PIEZO2: variants seen among roughly 807,000 people sequenced by gnomAD.
PIEZO2 encodes the protein piezo type mechanosensitive ion channel component 2.
In PIEZO2, 172 loss-of-function variants were observed where a neutral mutation model predicts 337.3. That is an observed-to-expected ratio of 0.51 (90% CI 0.45 to 0.58). PIEZO2 has a LOEUF of 0.58. Ranked by LOEUF, PIEZO2 falls within the 20% of genes least tolerant of loss-of-function variation. PIEZO2 has a pLI of 0.00. For synonymous variants in PIEZO2, 1,251 were observed against 1,228.5 expected, an observed-to-expected ratio of 1.02 and a Z score of -0.38; for missense variants, 3,028 against 3,391.3, an observed-to-expected ratio of 0.89 and a Z score of 2.66.
At chr18:10,977,532 C>A (rs1057487128) in intron 3 of PIEZO2, among the ~76,000 whole-genome samples, 1 of 152,108 alleles carries the variant, frequency 6.6e-6, no homozygotes, top group Non-Finnish European at 1.5e-5. Flanking sequence ...AATACTACTA[C>A]TAACATTATT....
intron 17 of PIEZO2, among the ~76,000 whole-genome samples, chr18:10,782,071 T>A (rs2865122): frequency 0.83 from 121,193 of 146,162 alleles, 50,454 homozygotes; most frequent in East Asian, 0.93. Context: ...TTGCTAAAAA[T>A]ATATATATAT....
rs1189597880 is a variant in PIEZO2, at chr18:10,979,389, T to C, written c.286+146A>G. 3 of 755,720 alleles carry C rather than the reference T, an allele frequency of 4.0e-6. No individual in the cohort carries two copies. The East Asian group carries it at 9.0e-5, about 23-fold the overall frequency. The allele number at this position is 755,720 out of a possible 1,614,324, so 46.8% of individuals were successfully genotyped here. A position where few individuals can be genotyped will look rare whatever the true frequency, so the allele number is the denominator to read the frequency against. ...AAAGCTTCTTTATATATATTTACAC[T>C]GCATTGCCAAAGACCAAAAATTTCC... On this transcript the variant is annotated intron_variant, in intron 3 of 55. Transcript: ENST00000674853. The surrounding 1 kb of genome is among the most constrained non-coding windows in gnomAD (Gnocchi z 4.0).
In PIEZO2 at chr18:10,823,989, T is replaced by A. The variant is rs149431957; in HGVS notation, c.918-16715A>T. On this transcript the variant is annotated intron_variant, in intron 7 of 55. Coordinates refer to ENST00000674853, the MANE Select transcript of PIEZO2 (RefSeq NM_001378183.1). The stretch of plus-strand genomic sequence containing the variant: ...CAGTTCTTTCACTCCTCCTCTTCCT[T>A]CTTCCTCAAGCCTTATCCTAAGGTC... Among the ~76,000 whole-genome samples, 1,413 of 152,332 alleles carry A rather than the reference T, an allele frequency of 9.3e-3. 24 individuals are homozygous for A. The highest frequency in any genetic ancestry group is 0.03 in the African/African-American group (1,260 of 41,566).
In PIEZO2 at chr18:10,953,958, C is replaced by A. The variant is rs533131331; in HGVS notation, c.286+25577G>T. On this transcript the variant is annotated intron_variant, in intron 3 of 55. Transcript: ENST00000674853. This position sits in a 1 kb window ranked among gnomAD's most constrained non-coding sequence, Gnocchi z 5.2. ...AACTGAAGTCTGTCAGATTGAGGAC[C>A]AGGTGGTGTGCAGCTGGTTCAGCAC... Among the ~76,000 whole-genome samples, 1 of 152,116 alleles carries A rather than the reference C, an allele frequency of 6.6e-6. No individual in the cohort carries two copies. Among genetic ancestry groups the A allele is most frequent in the Non-Finnish European group, 1.5e-5 (1 of 68,024 alleles).
Position 10,878,203 on chromosome 18 carries a change from A to G in PIEZO2, c.330-6788T>C, listed in dbSNP as rs1345564839. ...TTCATCTGTTTCCCTGGGGACCAGC[A>G]TGGTAGATGGTGCAGTGTAAACCAT... On this transcript the variant is annotated intron_variant, in intron 4 of 55. Transcript: ENST00000674853. The surrounding 1 kb of genome is among the most constrained non-coding windows in gnomAD (Gnocchi z 4.3). 6.6e-6 allele frequency among the ~76,000 whole-genome samples: 1 copy of G among 152,214 alleles called. No individual in the cohort carries two copies.
rs2039532588 is a variant in PIEZO2, at chr18:10,795,115, G to C, written c.1528-113C>G. ...AAAAGGTCATAATATTCAAACCAGG[G>C]AGAGTAGAGAGTTGTGGTGGAGTGA... is the stretch of plus-strand genomic sequence containing the variant. On this transcript the variant is annotated intron_variant, in intron 12 of 55. Coordinates refer to ENST00000674853, the MANE Select transcript of PIEZO2 (RefSeq NM_001378183.1). The surrounding 1 kb of genome is among the most constrained non-coding windows in gnomAD (Gnocchi z 4.4). The C allele has an allele frequency of 1.1e-6, 1 of 904,022 alleles. No homozygotes were observed. The highest frequency in any genetic ancestry group is 2.6e-5 in the East Asian group (1 of 37,770). 56.0% of individuals were successfully genotyped at this position (904,022 alleles called of 1,614,324 possible). A position where few individuals can be genotyped will look rare whatever the true frequency, so the allele number is the denominator to read the frequency against.
chr18:10,984,165 T>G (rs960187912), intron 2 of PIEZO2, among the ~76,000 whole-genome samples: 1 of 151,690 alleles, frequency 6.6e-6, no homozygotes, highest in Middle Eastern at 3.2e-3. Context: ...AAAAAAAAAA[T>G]TCAAAAATTC....
intron 4 of PIEZO2, among the ~76,000 whole-genome samples, chr18:10,897,715 G>A (rs7228069): frequency 0.31 from 47,611 of 152,114 alleles, 7,522 homozygotes; most frequent in Non-Finnish European, 0.34. Flanking sequence ...ACACTTTTAA[G>A]TGCACATGTA....
In PIEZO2 at chr18:11,116,465, G is replaced by A. The variant is rs563494263; in HGVS notation, c.64+32060C>T. Reference sequence around the variant, plus strand: ...GCGGTGGCTCACGCCTGTAAACCCAGCACTTTGGGAGGCCGAGCTGGGCGG... The same window carrying A: ...GCGGTGGCTCACGCCTGTAAACCCAACACTTTGGGAGGCCGAGCTGGGCGG... On this transcript the variant is annotated intron_variant, in intron 1 of 55. Transcript: ENST00000674853. This position sits in a 1 kb window ranked among gnomAD's most constrained non-coding sequence, Gnocchi z 5.0. Among the ~76,000 whole-genome samples, 10 of 152,100 alleles carry A rather than the reference G, an allele frequency of 6.6e-5. No homozygotes were observed. The highest frequency in any genetic ancestry group is 6.2e-4 in the South Asian group (3 of 4,822).
Position 10,795,443 on chromosome 18 carries a change from T to G in PIEZO2, c.1528-441A>C, listed in dbSNP as rs1167995390. ...TATTGCTTTAAAGAAAAGACCAAAC[T>G]TATCTGGCTTAGAGAGAAAAAAAAA... On this transcript the variant is annotated intron_variant, in intron 12 of 55. Coordinates refer to ENST00000674853, the MANE Select transcript of PIEZO2 (RefSeq NM_001378183.1). This position sits in a 1 kb window ranked among gnomAD's most constrained non-coding sequence, Gnocchi z 4.4. Among the ~76,000 whole-genome samples the G allele has an allele frequency of 1.3e-5, 2 of 151,356 alleles. No individual in the cohort carries two copies. Among genetic ancestry groups the G allele is most frequent in the Non-Finnish European group, 2.9e-5 (2 of 67,944 alleles).
At chr18:10,971,424 T>G (rs752065777) in intron 3 of PIEZO2, among the ~76,000 whole-genome samples, 4 of 152,128 alleles carry the variant, frequency 2.6e-5, no homozygotes, top group Non-Finnish European at 5.9e-5. Flanking sequence ...AAAAACCATC[T>G]TAGACAAGGA....
At chr18:10,742,798 TTGTGTGTGTGTG>T (rs71169946) in intron 31 of PIEZO2, among the ~76,000 whole-genome samples, 183 bp from the exon 32 acceptor site, 6 of 115,574 alleles carry the variant, frequency 5.2e-5, no homozygotes, top group Admixed American at 1.5e-4. Flanking sequence ...ATATACATAT[TTGTGTGTGTGTG>T]TGTGTGTGTG....
rs2143770654 is a variant in PIEZO2 at position 10,752,851 on chromosome 18, T to C, written c.3952A>G (p.Ile1318Val). ...ACAAACCAGAAGAGGTAGCTGAAGA[T>C]GATCACTTTGGACATGTCTAAGTAA... is the stretch of plus-strand genomic sequence containing the variant. ...RSYLDMSKVIIFSYLFWFVLT... is the reference protein window; with the variant it reads ...RSYLDMSKVIVFSYLFWFVLT... Residue 1318 changes from isoleucine to valine, a missense_variant, in exon 28 of 56, where the codon ATC (isoleucine) becomes GTC (valine). Ile to Val is a conservative substitution (Grantham distance 29). Transcript: ENST00000674853. 6.5e-7 allele frequency: 1 copy of C among 1,537,048 alleles called. No homozygotes were observed. The highest frequency in any genetic ancestry group is 8.7e-7 in the Non-Finnish European group (1 of 1,146,882).
intron 27 of PIEZO2, among the ~76,000 whole-genome samples, chr18:10,755,539 G>A (rs554335404): frequency 6.6e-6 from 1 of 152,306 alleles, no homozygotes; most frequent in African/African-American, 2.4e-5. Context: ...TCCATGAAGT[G>A]GGCCTTGGGT....
chr18:10,964,606 C>A (rs76565748), intron 3 of PIEZO2, among the ~76,000 whole-genome samples: 1 of 152,144 alleles, frequency 6.6e-6, no homozygotes, highest in Non-Finnish European at 1.5e-5. Context: ...ACATATCAAA[C>A]AATTAACCAT....
At chr18:11,050,486 G>C (rs2037483586) in intron 2 of PIEZO2, among the ~76,000 whole-genome samples, 1 of 150,996 alleles carries the variant, frequency 6.6e-6, no homozygotes, top group Non-Finnish European at 1.5e-5. Flanking sequence ...TGTATGCTGG[G>C]TCAGAGCCTC....
At chr18:10,770,383 T>C in intron 20 of PIEZO2, 75 bp from the exon 21 acceptor site, 1 of 1,403,186 alleles carries the variant, frequency 7.1e-7, no homozygotes, top group Non-Finnish European at 9.4e-7. Flanking sequence ...CTTGTAACTT[T>C]CAGGTTGGAA....
In PIEZO2 at chr18:10,766,242, G is replaced by A. The variant is rs965616998; in HGVS notation, c.2947-3144C>T. 4.3e-5 allele frequency among the ~76,000 whole-genome samples: 3 copies of A among 69,284 alleles called. No individual in the cohort carries two copies. Among genetic ancestry groups the A allele is most frequent in the African/African-American group, 1.3e-4 (2 of 15,792 alleles). 45.5% of individuals were successfully genotyped at this position (69,284 alleles called of 152,430 possible). Reference sequence around the variant, plus strand: ...AAAGAAGGAGGAACAGGAGGAGGAGGAGGGATAAGGAAGAAGAAGAGGAAG... The same window carrying A: ...AAAGAAGGAGGAACAGGAGGAGGAGAAGGGATAAGGAAGAAGAAGAGGAAG... On this transcript the variant is annotated intron_variant, in intron 21 of 55. Coordinates refer to ENST00000674853, the MANE Select transcript of PIEZO2 (RefSeq NM_001378183.1). The surrounding 1 kb of genome is among the most constrained non-coding windows in gnomAD (Gnocchi z 6.1).
chr18:10,763,861 T>C (rs531365750), intron 21 of PIEZO2, among the ~76,000 whole-genome samples: 12 of 152,118 alleles, frequency 7.9e-5, no homozygotes, highest in Non-Finnish European at 1.8e-4. Context: ...GGATTCAACA[T>C]GGGAGGCAAA....
Sources: allele counts gnomAD v4.1 joint callset (sites outside exome capture counted in the v4.1 genomes callset), GRCh38; gene constraint gnomAD v4.1.1; non-coding constraint Gnocchi (gnomAD v3.1); transcripts MANE v1.5; gene names NCBI Gene and HGNC (gene_info 2026-07-23, HGNC 2026-07-21).